Variants in LRFN2 observed in about 807,000 individuals in gnomAD.
LRFN2 encodes the protein leucine-rich repeat and fibronectin type-III domain-containing protein 2.
A neutral mutation model predicts 37.3 loss-of-function variants in LRFN2; 18 were observed. The observed-to-expected ratio is 0.48, with a 90% CI of 0.33 to 0.72. The LOEUF (loss-of-function observed/expected upper bound fraction) is 0.72, where lower values mean the gene tolerates loss of function less well. Ranked by LOEUF, LRFN2 falls within the 30% of genes least tolerant of loss-of-function variation. The probability of loss-of-function intolerance (pLI) is 0.02; values close to 1 mark genes in which losing one functional copy is unlikely to be tolerated. For missense variants in LRFN2, 1,006 were observed against 1,060.7 expected (o/e 0.95, Z 0.72); for synonymous variants, 556 against 466.6 (o/e 1.19, Z -2.47).
intron 2 of LRFN2, among the ~76,000 whole-genome samples, chr6:40,405,988 A>G (rs1762837107): frequency 6.6e-6 from 1 of 152,114 alleles, no homozygotes; most frequent in Non-Finnish European, 1.5e-5. Flanking sequence ...TCGCAGCCCA[A>G]GTGTTTGGTG....
intron 1 of LRFN2, among the ~76,000 whole-genome samples, chr6:40,547,709 T>C (rs146130399): frequency 5.9e-5 from 9 of 152,220 alleles, no homozygotes; most frequent in Non-Finnish European, 1.0e-4. Context: ...TTTATCCTCC[T>C]ACCCCCAGCT....
rs6458156 is a variant in LRFN2, at chr6:40,443,288, C to A, written c.-18-10157G>T. ...GTGACTACCTTTACTGTTTTTGAGC[C>A]CCCACAGATTATTTCAGTAAACATA... is the stretch of plus-strand genomic sequence containing the variant. On this transcript the variant is annotated intron_variant, in intron 1 of 2. Coordinates refer to ENST00000338305, the MANE Select transcript of LRFN2 (RefSeq NM_020737.3). Among the ~76,000 whole-genome samples, 1,396 of 152,224 alleles carry A rather than the reference C, an allele frequency of 9.2e-3. 20 individuals are homozygous for A. Among genetic ancestry groups the A allele is most frequent in the African/African-American group, 0.031 (1,276 of 41,524 alleles).
chr6:40,584,518 G>A (rs1392648459), intron 1 of LRFN2, among the ~76,000 whole-genome samples: 1 of 152,134 alleles, frequency 6.6e-6, no homozygotes, highest in Non-Finnish European at 1.5e-5. Flanking sequence ...CTTGTTCAGA[G>A]TCCAATTCCA....
intron 1 of LRFN2, among the ~76,000 whole-genome samples, chr6:40,506,822 C>A (rs2487371): frequency 0.4 from 60,238 of 151,916 alleles, 12,363 homozygotes; most frequent in East Asian, 0.53. Context: ...CCTGACACTG[C>A]CAGTAACTGG....
intron 2 of LRFN2, among the ~76,000 whole-genome samples, chr6:40,401,856 G>A (rs976388668): frequency 1.3e-5 from 2 of 152,072 alleles, no homozygotes; most frequent in Non-Finnish European, 2.9e-5. Flanking sequence ...CCCTCCATCA[G>A]TGATGCACCA....
In LRFN2 at chr6:40,391,798, A is replaced by AG. The variant is rs1240970597; in HGVS notation, c.*144dup. ...GGAGGTGATGTGGGTGTTGCGGGGT[A>AG]GGGGGGGACACGAGGCCATTGACAG... is the stretch of plus-strand genomic sequence containing the variant. On this transcript the variant is annotated 3_prime_UTR_variant, in exon 3 of 3. Transcript: ENST00000338305. 1.3e-5 allele frequency: 10 copies of AG among 754,582 alleles called. No individual in the cohort carries two copies. Among genetic ancestry groups the AG allele is most frequent in the South Asian group, 8.1e-5 (3 of 36,956 alleles). The allele number at this position is 754,582 out of a possible 1,614,324, so 46.7% of individuals were successfully genotyped here.
intron 2 of LRFN2, among the ~76,000 whole-genome samples, chr6:40,404,556 C>T (rs1167611331): frequency 6.6e-6 from 1 of 152,232 alleles, no homozygotes; most frequent in Non-Finnish European, 1.5e-5. Context: ...GGGCTAGTGG[C>T]TACTGGATTG....
intron 2 of LRFN2, among the ~76,000 whole-genome samples, chr6:40,419,530 C>A (rs1166219320): frequency 6.6e-6 from 1 of 152,184 alleles, no homozygotes; most frequent in Non-Finnish European, 1.5e-5. Context: ...AGCCAACCTG[C>A]AGAGCTATGA....
chr6:40,419,329 C>T (rs1022364802), intron 2 of LRFN2, among the ~76,000 whole-genome samples: 8 of 152,298 alleles, frequency 5.3e-5, no homozygotes, highest in Middle Eastern at 3.4e-3. Context: ...AGAAGCTTGA[C>T]GTTCATTTCT....
At chr6:40,534,905 CTCATT>C (rs1766420921) in intron 1 of LRFN2, among the ~76,000 whole-genome samples, 1 of 152,184 alleles carries the variant, frequency 6.6e-6, no homozygotes, top group South Asian at 2.1e-4. Flanking sequence ...GTACCAGGAT[CTCATT>C]TCACAGATGA....
intron 1 of LRFN2, among the ~76,000 whole-genome samples, chr6:40,496,103 G>T (rs1765219294): frequency 6.6e-6 from 1 of 152,070 alleles, no homozygotes; most frequent in African/African-American, 2.4e-5. Context: ...AGACATTCTT[G>T]ATTCCTCCCT....
chr6:40,558,403 T>C (rs930274278), intron 1 of LRFN2, among the ~76,000 whole-genome samples: 1 of 152,246 alleles, frequency 6.6e-6, no homozygotes, highest in African/African-American at 2.4e-5. Flanking sequence ...GTTAAGAACC[T>C]GTCCCTCCAT....
At chr6:40,474,766 A>G (rs550311816) in intron 1 of LRFN2, among the ~76,000 whole-genome samples, 58 of 152,204 alleles carry the variant, frequency 3.8e-4, no homozygotes, top group Middle Eastern at 3.2e-3. Context: ...CTGGGATTAC[A>G]GTTGTGAGTC....
At chr6:40,566,142 C>T (rs1407179089) in intron 1 of LRFN2, among the ~76,000 whole-genome samples, 3 of 152,228 alleles carry the variant, frequency 2.0e-5, no homozygotes, top group Non-Finnish European at 4.4e-5. Context: ...AAATGCTCAT[C>T]ATCACTGGCC....
In LRFN2 at chr6:40,508,125, C is replaced by A. The variant is rs528124634; in HGVS notation, c.-18-74994G>T. ...GCCGTCACCTTGGGCTAGTTACCTC[C>A]CCTCCAAGCCCTCACCTCCACCTAA... On this transcript the variant is annotated intron_variant, in intron 1 of 2. Coordinates refer to ENST00000338305, the MANE Select transcript of LRFN2 (RefSeq NM_020737.3). Among the ~76,000 whole-genome samples the A allele has an allele frequency of 1.5e-3, 234 of 152,298 alleles. 2 individuals are homozygous for A. The highest frequency in any genetic ancestry group is 5.4e-3 in the African/African-American group (224 of 41,560).
chr6:40,422,226 A>G lies in LRFN2; in HGVS notation c.1400+9488T>C, dbSNP rs1214089432. 4.6e-5 allele frequency among the ~76,000 whole-genome samples: 7 copies of G among 152,202 alleles called. No individual in the cohort carries two copies. In the East Asian group the frequency reaches 9.6e-4, roughly 21 times the overall value. On this transcript the variant is annotated intron_variant, in intron 2 of 2. Coordinates refer to ENST00000338305, the MANE Select transcript of LRFN2 (RefSeq NM_020737.3). Reference sequence around the variant, plus strand: ...CAAATCTCAAAGAGATGAGTAGTGCATGGTAGAGCTGGGATTGAACCCAGG... The same window carrying G: ...CAAATCTCAAAGAGATGAGTAGTGCGTGGTAGAGCTGGGATTGAACCCAGG...
At chr6:40,521,723 C>T (rs1766073365) in intron 1 of LRFN2, among the ~76,000 whole-genome samples, 1 of 152,104 alleles carries the variant, frequency 6.6e-6, no homozygotes, top group African/African-American at 2.4e-5. Flanking sequence ...CACGTGCTGG[C>T]AATGTCACCT....
chr6:40,585,598 C>T (rs1767484752), intron 1 of LRFN2, among the ~76,000 whole-genome samples: 1 of 152,164 alleles, frequency 6.6e-6, no homozygotes, highest in Non-Finnish European at 1.5e-5. Flanking sequence ...GACCTAGTTC[C>T]CTTGCTCCCC....
intron 1 of LRFN2, among the ~76,000 whole-genome samples, chr6:40,580,702 G>T (rs1470129965): frequency 6.6e-6 from 1 of 152,226 alleles, no homozygotes; most frequent in African/African-American, 2.4e-5. Flanking sequence ...GAGCTGGAAG[G>T]GTTGAATGGC....
Sources: gnomAD v4.1 joint callset for allele counts (sites outside exome capture counted in the v4.1 genomes callset) on GRCh38, gnomAD v4.1.1 for gene constraint, MANE v1.5 for transcripts, NCBI Gene and HGNC (gene_info 2026-07-23, HGNC 2026-07-21) for gene names.